Variants in AQR observed in about 807,000 individuals in gnomAD.
AQR encodes aquarius intron-binding spliceosomal factor, also known as RNA helicase aquarius.
Under a neutral mutation model 180.5 loss-of-function variants are expected in AQR, and 61 were observed. The ratio of observed to expected loss-of-function variants is 0.34; its 90% CI spans 0.28 to 0.42. The LOEUF (loss-of-function observed/expected upper bound fraction) is 0.42, where lower values mean the gene tolerates loss of function less well. Among genes scored for constraint, AQR ranks in the 10% least tolerant of loss-of-function variants. The pLI, the probability that AQR is intolerant of heterozygous loss-of-function variation, is 1.00. For missense variants in AQR, 1,281 were observed against 1,798.3 expected (o/e 0.71, Z 5.20); for synonymous variants, 551 against 588.8 (o/e 0.94, Z 0.93).
intron 5 of AQR, among the ~76,000 whole-genome samples, chr15:34,946,780 G>A (rs1057507080): frequency 4.3e-4 from 63 of 146,928 alleles, no homozygotes; most frequent in Admixed American, 6.1e-4. Context: ...CCCCCCGCCC[G>A]GCCAGCTGCC....
chr15:34,950,321 CT>C (rs1894207019), intron 4 of AQR, among the ~76,000 whole-genome samples: 1 of 152,048 alleles, frequency 6.6e-6, no homozygotes, highest in South Asian at 2.1e-4. Flanking sequence ...ATCTCTTGAC[CT>C]TGTGATCCAC....
chr15:34,856,828 AG>A lies in AQR; in HGVS notation c.4421del (p.Pro1474LeufsTer30). Reference sequence around the variant, plus strand: ...CTTCCGGGGCAGATGTGGCATCCTGAGGTGTGTTAGCTTCTGCCGGTGCAGA... The same window carrying A: ...CTTCCGGGGCAGATGTGGCATCCTGAGTGTGTTAGCTTCTGCCGGTGCAGA... ...AVSAPAEANT[P>X]QDATSAPEET... On this transcript the variant is annotated frameshift_variant, in exon 35 of 35. Transcript: ENST00000156471. LOFTEE classifies it high-confidence loss of function. The A allele has an allele frequency of 6.3e-7, 1 of 1,590,962 alleles. No individual in the cohort carries two copies. The highest frequency in any genetic ancestry group is 8.6e-7 in the Non-Finnish European group (1 of 1,168,348).
At chr15:34,892,922 T>A (rs1168865689) in intron 23 of AQR, among the ~76,000 whole-genome samples, 2 of 152,274 alleles carry the variant, frequency 1.3e-5, no homozygotes, top group African/African-American at 4.8e-5. Context: ...CATCATAAAG[T>A]CAAAATATTA....
At chr15:34,861,914 A>G (rs920716151) in intron 33 of AQR, among the ~76,000 whole-genome samples, 3 of 152,116 alleles carry the variant, frequency 2.0e-5, no homozygotes, top group African/African-American at 7.2e-5. Context: ...CATCTAAAAT[A>G]ATGTTATTTA....
At chr15:34,868,256 A>C (rs1425300952) in intron 31 of AQR, 1 of 152,222 alleles carries the variant, frequency 6.6e-6, no homozygotes, top group Non-Finnish European at 1.5e-5. Flanking sequence ...GCTTGAGCCC[A>C]GGAGGTGGAG....
intron 8 of AQR, among the ~76,000 whole-genome samples, chr15:34,940,600 G>A (rs1229540297): frequency 4.6e-5 from 7 of 152,108 alleles, no homozygotes; most frequent in African/African-American, 1.7e-4. Context: ...TGAAGATAGT[G>A]GAGAAAATTG....
At chr15:34,935,375 T>C (rs1052166547) in intron 9 of AQR, among the ~76,000 whole-genome samples, 1 of 152,122 alleles carries the variant, frequency 6.6e-6, no homozygotes, top group Non-Finnish European at 1.5e-5. Flanking sequence ...TCCTGTCAAG[T>C]TGGTTTCAAT....
At chr15:34,920,553 A>G in intron 13 of AQR, 119 bp from the exon 14 acceptor site, 1 of 720,970 alleles carries the variant, frequency 1.4e-6, no homozygotes, top group Non-Finnish European at 2.3e-6. Context: ...GGCAGCAAAT[A>G]TCAAAAACCA....
intron 5 of AQR, among the ~76,000 whole-genome samples, chr15:34,945,921 A>C (rs1414921830): frequency 6.6e-6 from 1 of 152,258 alleles, no homozygotes; most frequent in African/African-American, 2.4e-5. Context: ...CAGCACAAAA[A>C]GGAAACATCA....
At chr15:34,918,109 T>C in intron 15 of AQR, 149 bp downstream of exon 15, 2 of 758,124 alleles carry the variant, frequency 2.6e-6, no homozygotes, top group South Asian at 5.2e-5. Context: ...TACTAAATCT[T>C]TTCTAGCTTC....
chr15:34,872,263 C>G (rs1451179837), intron 30 of AQR, among the ~76,000 whole-genome samples: 1 of 152,122 alleles, frequency 6.6e-6, no homozygotes, highest in Non-Finnish European at 1.5e-5. Flanking sequence ...CTTTCCCTCT[C>G]GACACTAATT....
intron 34 of AQR, among the ~76,000 whole-genome samples, chr15:34,859,695 G>C (rs948023110): frequency 2.0e-5 from 3 of 152,132 alleles, no homozygotes; most frequent in Non-Finnish European, 4.4e-5. Context: ...TGCCTGGGAA[G>C]GTAAAAAGGG....
chr15:34,913,829 G>A (rs1893536185), intron 16 of AQR, among the ~76,000 whole-genome samples: 1 of 152,180 alleles, frequency 6.6e-6, no homozygotes, highest in Non-Finnish European at 1.5e-5. Context: ...GCTGTGGGCA[G>A]GAATGATCAG....
chr15:34,954,449 G>A (rs1039664295), intron 3 of AQR, among the ~76,000 whole-genome samples: 7 of 152,012 alleles, frequency 4.6e-5, no homozygotes, highest in Non-Finnish European at 8.8e-5. Context: ...GAGACTACAG[G>A]CATGTGCTAC....
intron 17 of AQR, among the ~76,000 whole-genome samples, chr15:34,908,504 T>TA (rs1194512496): frequency 5.9e-5 from 9 of 152,196 alleles, no homozygotes; most frequent in Non-Finnish European, 1.2e-4. Flanking sequence ...TTGGCTACCC[T>TA]ATCTGTGATC....
At chr15:34,941,473 G>A (rs1374276144) in intron 7 of AQR, among the ~76,000 whole-genome samples, 1 of 152,122 alleles carries the variant, frequency 6.6e-6, no homozygotes, top group African/African-American at 2.4e-5. Flanking sequence ...ATCAACTGGT[G>A]CTTATAAATG....
chr15:34,880,162 A>G (rs1348122509), intron 27 of AQR, among the ~76,000 whole-genome samples: 1 of 152,234 alleles, frequency 6.6e-6, no homozygotes, highest in Non-Finnish European at 1.5e-5. Context: ...CTGAAGAAAA[A>G]TTATTTCCAA....
chr15:34,910,517 T>C (rs937449474), intron 16 of AQR, among the ~76,000 whole-genome samples: 3 of 151,312 alleles, frequency 2.0e-5, no homozygotes, highest in East Asian at 1.9e-4. Context: ...AACAGGGATA[T>C]GATAGCATGA....
intron 16 of AQR, among the ~76,000 whole-genome samples, chr15:34,911,802 C>T (rs1199019535): frequency 6.6e-6 from 1 of 151,852 alleles, no homozygotes; most frequent in Non-Finnish European, 1.5e-5. Context: ...TGATGTGGTC[C>T]CCATTTACTT....
Sources: gnomAD v4.1 joint callset for allele counts (sites outside exome capture counted in the v4.1 genomes callset) on GRCh38, gnomAD v4.1.1 for gene constraint, MANE v1.5 for transcripts, NCBI Gene and HGNC (gene_info 2026-07-23, HGNC 2026-07-21) for gene names.